OLFML2B: variants seen among roughly 807,000 people sequenced by gnomAD.
OLFML2B encodes olfactomedin-like protein 2B.
A neutral mutation model predicts 74.9 loss-of-function variants in OLFML2B; 57 were observed. The ratio of observed to expected loss-of-function variants is 0.76; its 90% CI spans 0.61 to 0.95. OLFML2B has a LOEUF of 0.95. Ranked by LOEUF, OLFML2B falls within the 40% of genes least tolerant of loss-of-function variation. OLFML2B has a pLI of 0.00. For missense variants in OLFML2B, 986 were observed against 970.6 expected (o/e 1.02, Z -0.21); for synonymous variants, 388 against 405.8 (o/e 0.96, Z 0.53).
At chr1:162,005,543 A>T (rs1181534143) in intron 4 of OLFML2B, among the ~76,000 whole-genome samples, 2 of 152,198 alleles carry the variant, frequency 1.3e-5, no homozygotes, top group East Asian at 3.8e-4. Flanking sequence ...GAGGGATGGA[A>T]TATAATTTGT....
In OLFML2B at chr1:161,996,959, C is replaced by A. The variant is rs1689926748; in HGVS notation, c.1474+866G>T. ...GATCACAAGGTCAGGAGATTGAGAC[C>A]ATCCTGGCTGACATGGTGAAAACCC... On this transcript the variant is annotated intron_variant, in intron 6 of 7. Coordinates refer to ENST00000294794, the MANE Select transcript of OLFML2B (RefSeq NM_015441.3). Among the ~76,000 whole-genome samples, 3 of 152,158 alleles carry A rather than the reference C, an allele frequency of 2.0e-5. No homozygotes were observed. In the South Asian group the frequency reaches 6.2e-4, roughly 32 times the overall value.
intron 6 of OLFML2B, among the ~76,000 whole-genome samples, chr1:161,985,900 A>G (rs930924218): frequency 5.3e-5 from 8 of 152,234 alleles, no homozygotes; most frequent in Admixed American, 1.3e-4. Flanking sequence ...GGTGCCCAGG[A>G]GAGGCCCTAA....
At chr1:162,005,880 T>C (rs1571301469) in intron 4 of OLFML2B, among the ~76,000 whole-genome samples, 1 of 128,466 alleles carries the variant, frequency 7.8e-6, no homozygotes, top group East Asian at 2.4e-4. Context: ...ACTCCAGCCT[T>C]GGTGGCAGAG....
At chr1:161,993,334 G>C (rs904831456) in intron 6 of OLFML2B, among the ~76,000 whole-genome samples, 2 of 152,192 alleles carry the variant, frequency 1.3e-5, no homozygotes, top group African/African-American at 4.8e-5. Flanking sequence ...GTCCTGGGCT[G>C]CCTCAGTCTC....
chr1:161,984,348 A>G, intron 7 of OLFML2B, 72 bp from the exon 8 acceptor site: 1 of 1,498,808 alleles, frequency 6.7e-7, no homozygotes, highest in Non-Finnish European at 8.9e-7. Context: ...TGGTTAAGTG[A>G]GTGATGATCA....
intron 4 of OLFML2B, among the ~76,000 whole-genome samples, chr1:162,003,382 G>C (rs1284905290): frequency 6.6e-6 from 1 of 152,146 alleles, no homozygotes; most frequent in Non-Finnish European, 1.5e-5. Flanking sequence ...TCATTTCTTC[G>C]CCGCAAACCC....
intron 1 of OLFML2B, among the ~76,000 whole-genome samples, chr1:162,022,538 C>G (rs370917064): frequency 3.5e-4 from 54 of 152,258 alleles, no homozygotes; most frequent in African/African-American, 1.2e-3. Context: ...CGTGAGCCAC[C>G]GCGCCCGGCC....
At chr1:161,986,382 G>A (rs1296531758) in intron 6 of OLFML2B, among the ~76,000 whole-genome samples, 1 of 152,212 alleles carries the variant, frequency 6.6e-6, no homozygotes, top group Non-Finnish European at 1.5e-5. Context: ...CAGCTGACAG[G>A]ACAGGAGCAA....
At chr1:162,012,277 C>T (rs1159251975) in intron 3 of OLFML2B, among the ~76,000 whole-genome samples, 1 of 152,130 alleles carries the variant, frequency 6.6e-6, no homozygotes, top group Non-Finnish European at 1.5e-5. Context: ...TGGAAAGAGA[C>T]AGCTCCCCCA....
At position 161,984,139 on chromosome 1, in the gene OLFML2B, C is replaced by T. The variant is rs1399172220; in HGVS notation, c.1789G>A (p.Ala597Thr). The T allele has an allele frequency of 2.5e-6, 4 of 1,610,712 alleles. No homozygotes were observed. Among genetic ancestry groups the T allele is most frequent in the Non-Finnish European group, 3.4e-6 (4 of 1,178,192 alleles). ...KYDLKQRYVA[A>T]WAMLHDVAYE... ...GCCACGTCATGCAGCATGGCCCAGGCAGCCACGTAGCGCTGCTTCAGGTCG... is the reference window on the plus strand; with the variant it reads ...GCCACGTCATGCAGCATGGCCCAGGTAGCCACGTAGCGCTGCTTCAGGTCG... Residue 597 changes from alanine (A) to threonine (T), a missense_variant, in exon 8 of 8, where the codon GCC (alanine) becomes ACC (threonine). By Grantham distance (58) the Ala-to-Thr change is moderately conservative (BLOSUM62 0). Transcript: ENST00000294794.
At chr1:161,997,307 C>G (rs959329194) in intron 6 of OLFML2B, among the ~76,000 whole-genome samples, 3 of 152,194 alleles carry the variant, frequency 2.0e-5, no homozygotes, top group Admixed American at 2.0e-4. Flanking sequence ...TCTGGTACAG[C>G]ACTTGTCACA....
rs759621817 is a variant in OLFML2B, at chr1:162,006,443, C to T, written c.577G>A (p.Glu193Lys). The T allele has an allele frequency of 7.4e-5, 118 of 1,596,198 alleles. 1 individual carries two copies. The highest frequency in any genetic ancestry group is 2.0e-4 in the South Asian group (18 of 88,478). The change falls in exon 4 of 8, where the codon GAA becomes AAA. Residue 193 changes from glutamate (E) to lysine (K), a missense_variant. Glu to Lys is a moderately conservative substitution (Grantham distance 56, BLOSUM62 1). Transcript: ENST00000294794. ...EVSKNLTKEN[E>K]QIKEDMEEIR... Reference sequence around the variant, plus strand: ...TCTTCCATGTCCTCTTTGATTTGTTCATTTTCCTTGGTGAGGTTTTTAGAC... The same window carrying T: ...TCTTCCATGTCCTCTTTGATTTGTTTATTTTCCTTGGTGAGGTTTTTAGAC...
intron 6 of OLFML2B, among the ~76,000 whole-genome samples, chr1:161,993,570 T>C (rs1689804288): frequency 1.3e-5 from 2 of 152,232 alleles, no homozygotes; most frequent in African/African-American, 4.8e-5. Context: ...GAGCCCTCTC[T>C]ATCTCTTTTA....
intron 4 of OLFML2B, among the ~76,000 whole-genome samples, chr1:162,001,937 G>A (rs1303250478): frequency 1.3e-5 from 2 of 152,194 alleles, no homozygotes; most frequent in Non-Finnish European, 2.9e-5. Flanking sequence ...TCTGGATGGC[G>A]CTGTGAGAGT....
At chr1:162,007,059 A>C (rs1690255913) in intron 3 of OLFML2B, among the ~76,000 whole-genome samples, 1 of 152,216 alleles carries the variant, frequency 6.6e-6, no homozygotes, top group Non-Finnish European at 1.5e-5. Flanking sequence ...ATTTACCCAT[A>C]AAAACAGTTT....
At chr1:161,996,932 G>C (rs559722881) in intron 6 of OLFML2B, among the ~76,000 whole-genome samples, 7 of 152,138 alleles carry the variant, frequency 4.6e-5, no homozygotes, top group African/African-American at 1.7e-4. Flanking sequence ...CCGAGGTGGG[G>C]GGATCACAAG....
chr1:161,996,761 C>T (rs773991419), intron 6 of OLFML2B, among the ~76,000 whole-genome samples: 12 of 152,194 alleles, frequency 7.9e-5, no homozygotes, highest in Non-Finnish European at 1.3e-4. Flanking sequence ...TCTTGGGCCA[C>T]GGAGCTCCCA....
At position 161,984,015 on chromosome 1, in the gene OLFML2B, T is replaced by C. The variant is rs752808174; in HGVS notation, c.1913A>G (p.Asp638Gly). Residue 638 changes from aspartate to glycine, a missense_variant, in exon 8 of 8, where the codon GAT becomes GGT. By Grantham distance (94) the Asp-to-Gly change is moderately conservative. Coordinates refer to ENST00000294794, the MANE Select transcript of OLFML2B (RefSeq NM_015441.3). The part of the protein sequence containing the change: ...GLWLIYPALD[D>G]EGFSQEVIVL... ...AATGACCTCCTGGCTGAAGCCCTCA[T>C]CGTCCAGGGCCGGGTAGATGAGCCA... is the stretch of plus-strand genomic sequence containing the variant. 10 of 1,614,200 alleles carry C rather than the reference T, an allele frequency of 6.2e-6. No individual in the cohort carries two copies. Among genetic ancestry groups the C allele is most frequent in the South Asian group, 1.1e-5 (1 of 91,086 alleles).
rs756264984 is a variant in OLFML2B, at chr1:161,983,869, C to A, written c.2059G>T (p.Asp687Tyr). The A allele has an allele frequency of 1.9e-6, 3 of 1,614,078 alleles. No individual in the cohort carries two copies. The African/African-American group carries it at 4.0e-5, about 22-fold the overall frequency. ...FVICGVLYAVDSYNQRNANIS... is the reference protein window; with the variant it reads ...FVICGVLYAVYSYNQRNANIS... ...TTGGCATTCCGCTGGTTGTAGCTAT[C>A]CACGGCATACAGCACCCCACAGATG... Residue 687 changes from aspartate to tyrosine, a missense_variant, in exon 8 of 8, where the codon GAT (aspartate) becomes TAT (tyrosine). Transcript: ENST00000294794.
Sources: allele counts gnomAD v4.1 joint callset (sites outside exome capture counted in the v4.1 genomes callset), GRCh38; gene constraint gnomAD v4.1.1; transcripts MANE v1.5; gene names NCBI Gene and HGNC (gene_info 2026-07-23, HGNC 2026-07-21).